Variants in FOCAD observed in about 807,000 individuals in gnomAD.
FOCAD encodes KIAA1797.
Under a neutral mutation model 225.6 loss-of-function variants are expected in FOCAD, and 198 were observed. That is an observed-to-expected ratio of 0.88 (90% CI 0.78 to 0.99). The LOEUF is 0.99. Ranked by LOEUF, FOCAD falls within the 50% of genes least tolerant of loss-of-function variation. The pLI is 0.00. For missense variants in FOCAD, 2,713 were observed against 2,123.6 expected, an observed-to-expected ratio of 1.28 and a Z score of -5.46; for synonymous variants, 897 against 755.0, an observed-to-expected ratio of 1.19 and a Z score of -3.08.
chr9:20,859,218 C>G (rs1328668062), intron 15 of FOCAD, among the ~76,000 whole-genome samples: 1 of 151,548 alleles, frequency 6.6e-6, no homozygotes, highest in African/African-American at 2.4e-5. Flanking sequence ...CTACTAAATC[C>G]AAATTAAAAA....
At chr9:20,729,364 G>C (rs1826478648) in intron 4 of FOCAD, among the ~76,000 whole-genome samples, 1 of 152,116 alleles carries the variant, frequency 6.6e-6, no homozygotes, top group South Asian at 2.1e-4. Context: ...TGACTTACCT[G>C]TATATCTCTT....
chr9:20,700,323 A>AT (rs1823836804), intron 1 of FOCAD, among the ~76,000 whole-genome samples: 3 of 151,930 alleles, frequency 2.0e-5, no homozygotes, highest in South Asian at 4.1e-4. Flanking sequence ...ACAAAGACCC[A>AT]TTTTCCATCT....
chr9:20,785,739 C>G (rs1819853307), intron 10 of FOCAD, among the ~76,000 whole-genome samples: 1 of 152,090 alleles, frequency 6.6e-6, no homozygotes, highest in Non-Finnish European at 1.5e-5. Flanking sequence ...TTTGTGTGGA[C>G]AAATGTTTTC....
At chr9:20,947,970 C>T (rs1243913617) in intron 30 of FOCAD, among the ~76,000 whole-genome samples, 1 of 151,828 alleles carries the variant, frequency 6.6e-6, no homozygotes, top group Non-Finnish European at 1.5e-5. Context: ...TTTTTTCACC[C>T]TAACCTCTTC....
At chr9:20,825,408 A>C (rs1824784611) in intron 15 of FOCAD, among the ~76,000 whole-genome samples, 1 of 152,126 alleles carries the variant, frequency 6.6e-6, no homozygotes, top group Non-Finnish European at 1.5e-5. Flanking sequence ...CAAGGTTTCA[A>C]GAAGGAAAAC....
intron 15 of FOCAD, among the ~76,000 whole-genome samples, chr9:20,830,397 A>G (rs1300763989): frequency 2.6e-5 from 4 of 152,076 alleles, no homozygotes; most frequent in African/African-American, 7.2e-5. Context: ...ATTTCCAAAG[A>G]TGTTAGGTTT....
At chr9:20,830,716 C>T (rs781184631) in intron 15 of FOCAD, among the ~76,000 whole-genome samples, 20 of 152,022 alleles carry the variant, frequency 1.3e-4, no homozygotes, top group Admixed American at 9.8e-4. Context: ...CTTGCTCTGA[C>T]GGCCATGCTG....
intron 15 of FOCAD, among the ~76,000 whole-genome samples, chr9:20,827,493 CGTGT>C (rs372926136): frequency 1.3e-5 from 2 of 149,988 alleles, no homozygotes; most frequent in South Asian, 2.1e-4. Context: ...AAAATTGTGG[CGTGT>C]GTGTGTGTGT....
At chr9:20,820,624 C>G (rs187780805) in intron 13 of FOCAD, among the ~76,000 whole-genome samples, 199 bp downstream of exon 13, 7 of 152,216 alleles carry the variant, frequency 4.6e-5, no homozygotes, top group African/African-American at 1.7e-4. Flanking sequence ...AATATAAAAT[C>G]TCATTTCTTT....
intron 15 of FOCAD, among the ~76,000 whole-genome samples, chr9:20,843,955 C>G (rs1241663094): frequency 6.6e-6 from 1 of 152,060 alleles, no homozygotes; most frequent in African/African-American, 2.4e-5. Context: ...GGGTTTGATT[C>G]TAAGTTATGA....
intron 7 of FOCAD, among the ~76,000 whole-genome samples, chr9:20,769,089 CTG>C (rs1817906332): frequency 6.6e-6 from 1 of 152,124 alleles, no homozygotes; most frequent in African/African-American, 2.4e-5. Flanking sequence ...GACTTTCCTA[CTG>C]TGTGTTTGCA....
At chr9:20,916,312 T>A (rs1045712121) in intron 23 of FOCAD, among the ~76,000 whole-genome samples, 2 of 152,224 alleles carry the variant, frequency 1.3e-5, no homozygotes, top group African/African-American at 2.4e-5. Context: ...GTGCCTACCT[T>A]CTTTCTAACC....
chr9:20,772,188 T>C (rs1818308459), intron 8 of FOCAD, among the ~76,000 whole-genome samples: 2 of 152,158 alleles, frequency 1.3e-5, no homozygotes, highest in Non-Finnish European at 2.9e-5. Context: ...TTTGGGCTAC[T>C]GGATGATGCC....
intron 2 of FOCAD, chr9:20,716,249 A>G (rs1331997284): frequency 1.1e-5 from 4 of 368,390 alleles, no homozygotes; most frequent in Non-Finnish European, 2.6e-5. Flanking sequence ...GATACTATTC[A>G]CAGTTTTATT....
chr9:20,945,678 C>A (rs1837100425), intron 29 of FOCAD, among the ~76,000 whole-genome samples: 1 of 152,014 alleles, frequency 6.6e-6, no homozygotes, highest in African/African-American at 2.4e-5. Context: ...AATCTTGCAA[C>A]CTAGGAGCAA....
At chr9:20,823,147 T>C (rs1188035334) in intron 15 of FOCAD, 32 bp downstream of exon 15, 18 of 1,589,296 alleles carry the variant, frequency 1.1e-5, no homozygotes, top group Non-Finnish European at 1.5e-5. Flanking sequence ...TGGATAATTT[T>C]GAAGAAAATC....
At chr9:20,898,563 T>G (rs909446340) in intron 21 of FOCAD, among the ~76,000 whole-genome samples, 31 of 152,078 alleles carry the variant, frequency 2.0e-4, no homozygotes, top group Admixed American at 1.8e-3. Flanking sequence ...GCTTTTCGTC[T>G]CTAGCATTTA....
chr9:20,872,178 T>C (rs958103828), intron 18 of FOCAD, among the ~76,000 whole-genome samples: 7 of 152,160 alleles, frequency 4.6e-5, no homozygotes, highest in African/African-American at 1.7e-4. Flanking sequence ...GCATAGAAGA[T>C]AAATTAATAT....
At chr9:20,666,244 G>A in intron 2 of FOCAD, among the ~76,000 whole-genome samples, 1 of 152,022 alleles carries the variant, frequency 6.6e-6, no homozygotes, top group South Asian at 2.1e-4. Flanking sequence ...GTGATTATTT[G>A]GTGAAGACCA....
Sources: allele counts gnomAD v4.1 joint callset (sites outside exome capture counted in the v4.1 genomes callset), GRCh38; gene constraint gnomAD v4.1.1; transcripts MANE v1.5; gene names NCBI Gene and HGNC (gene_info 2026-07-23, HGNC 2026-07-21).